Variants in MPPED2 observed in about 807,000 individuals in gnomAD.
The protein encoded by MPPED2 is metallophosphoesterase MPPED2.
Under a neutral mutation model 33.0 loss-of-function variants are expected in MPPED2, and 5 were observed. That is an observed-to-expected ratio of 0.15 (90% confidence interval 0.08 to 0.32). The LOEUF is 0.32. Ranked by LOEUF, MPPED2 falls within the 10% of genes least tolerant of loss-of-function variation. The pLI is 1.00. For synonymous variants in MPPED2, 136 were observed against 141.9 expected (o/e 0.96, Z 0.29); for missense variants, 275 against 372.1 (o/e 0.74, Z 2.15).
chr11:30,489,489 A>G (rs896911756), intron 4 of MPPED2, among the ~76,000 whole-genome samples: 1 of 152,270 alleles, frequency 6.6e-6, no homozygotes, highest in African/African-American at 2.4e-5. Flanking sequence ...TGAGGGGAAG[A>G]GAGGAAGGGA....
intron 2 of MPPED2, among the ~76,000 whole-genome samples, chr11:30,578,165 G>C (rs1346835492): frequency 6.6e-6 from 1 of 152,150 alleles, no homozygotes; most frequent in East Asian, 1.9e-4. Context: ...AACTAGCTTT[G>C]AGGCATTTGA....
At chr11:30,415,560 C>G (rs1210433761) in intron 5 of MPPED2, among the ~76,000 whole-genome samples, 1 of 152,128 alleles carries the variant, frequency 6.6e-6, no homozygotes, top group African/African-American at 2.4e-5. Context: ...CACGTTTTCA[C>G]AAGAATCCCA....
chr11:30,579,088 T>G (rs2134899561), intron 2 of MPPED2, among the ~76,000 whole-genome samples: 1 of 150,840 alleles, frequency 6.6e-6, no homozygotes, highest in African/African-American at 2.4e-5. Context: ...TGACTCGCTC[T>G]CCAGAATATA....
chr11:30,532,718 A>C (rs1274056040), intron 3 of MPPED2, among the ~76,000 whole-genome samples: 1 of 152,204 alleles, frequency 6.6e-6, no homozygotes, highest in Non-Finnish European at 1.5e-5. Context: ...TAATCATTAC[A>C]TGTTATACTC....
intron 3 of MPPED2, among the ~76,000 whole-genome samples, chr11:30,525,254 C>T (rs1279680056): frequency 6.6e-6 from 1 of 152,196 alleles, no homozygotes; most frequent in Non-Finnish European, 1.5e-5. Context: ...TCAGGAGACA[C>T]TTAGAATATA....
chr11:30,391,843 T>C (rs1464389506), intron 6 of MPPED2, among the ~76,000 whole-genome samples: 1 of 152,156 alleles, frequency 6.6e-6, no homozygotes, highest in African/African-American at 2.4e-5. Context: ...ACATTAGGCT[T>C]TAAATTAATG....
intron 2 of MPPED2, among the ~76,000 whole-genome samples, chr11:30,572,683 C>T (rs977847887): frequency 2.0e-5 from 3 of 152,080 alleles, no homozygotes; most frequent in African/African-American, 7.2e-5. Flanking sequence ...AAATTTCTAC[C>T]TTGTTAGTAA....
intron 4 of MPPED2, among the ~76,000 whole-genome samples, chr11:30,476,198 C>G (rs1951188645): frequency 6.6e-6 from 1 of 151,838 alleles, no homozygotes; most frequent in African/African-American, 2.4e-5. Flanking sequence ...AGACTATGTT[C>G]CCCAAGACTA....
At chr11:30,538,180 A>G (rs1954916834) in intron 2 of MPPED2, among the ~76,000 whole-genome samples, 1 of 152,160 alleles carries the variant, frequency 6.6e-6, no homozygotes, top group East Asian at 1.9e-4. Flanking sequence ...ATATATGAAT[A>G]AATGTAATAT....
At chr11:30,452,000 G>T (rs72885520) in intron 4 of MPPED2, 104,264 of 985,154 alleles carry the variant, frequency 0.11, 5,672 homozygotes, top group East Asian at 0.18. Context: ...GCCGTAAAAC[G>T]ATTCCCATTT....
intron 2 of MPPED2, among the ~76,000 whole-genome samples, chr11:30,574,234 T>C (rs890405620): frequency 1.3e-5 from 2 of 152,160 alleles, no homozygotes; most frequent in Non-Finnish European, 2.9e-5. Flanking sequence ...CCATTTTTAA[T>C]TTTTTATACT....
intron 1 of MPPED2, among the ~76,000 whole-genome samples, chr11:30,583,961 G>A (rs1358292690): frequency 1.3e-5 from 2 of 152,122 alleles, no homozygotes; most frequent in African/African-American, 2.4e-5. Context: ...CTTAATTCAC[G>A]CCCCTACTCT....
intron 5 of MPPED2, among the ~76,000 whole-genome samples, 189 bp from the exon 6 acceptor site, chr11:30,414,530 T>A (rs1216037141): frequency 2.7e-5 from 4 of 148,016 alleles, no homozygotes; most frequent in African/African-American, 9.7e-5. Flanking sequence ...GTTCTTGAAA[T>A]TTTTTTTTGG....
chr11:30,545,873 A>G (rs12287731), intron 2 of MPPED2, among the ~76,000 whole-genome samples: 1 of 151,616 alleles, frequency 6.6e-6, no homozygotes, highest in Non-Finnish European at 1.5e-5. Context: ...ACATATATAT[A>G]TTTTTTTTAG....
intron 6 of MPPED2, among the ~76,000 whole-genome samples, chr11:30,402,184 G>A (rs185382124): frequency 2.0e-3 from 302 of 152,250 alleles, no homozygotes; most frequent in African/African-American, 6.9e-3. Flanking sequence ...AAAACAGTGG[G>A]TGATGTCCTC....
At chr11:30,495,252 T>G in intron 4 of MPPED2, 44 bp downstream of exon 4, 6 of 1,356,376 alleles carry the variant, frequency 4.4e-6, no homozygotes, top group Non-Finnish European at 6.3e-6. Flanking sequence ...TTCTTGGTAC[T>G]GAGCTAAAAA....
rs114879717 is a variant in MPPED2, at chr11:30,575,341, T to C, written c.128+4905A>G. ...ACCATATATATTATCATAAAATCTATTTATCAAGTGGTATCTTTTGGGCAC... is the reference window on the plus strand; with the variant it reads ...ACCATATATATTATCATAAAATCTACTTATCAAGTGGTATCTTTTGGGCAC... On this transcript the variant is annotated intron_variant, in intron 2 of 6. Coordinates refer to ENST00000358117, the MANE Select transcript of MPPED2 (RefSeq NM_001584.3). 3.6e-3 allele frequency among the ~76,000 whole-genome samples: 555 copies of C among 152,336 alleles called. 4 individuals carry two copies. Among genetic ancestry groups the C allele is most frequent in the African/African-American group, 0.012 (517 of 41,576 alleles).
chr11:30,406,510 T>C (rs764340379), downstream of MPPED2, among the ~76,000 whole-genome samples: 4 of 151,786 alleles, frequency 2.6e-5, no homozygotes, highest in Non-Finnish European at 4.4e-5. Flanking sequence ...TTCTCTCCCA[T>C]GGAAAAGCAA....
chr11:30,547,164 A>T (rs12289767), intron 2 of MPPED2, among the ~76,000 whole-genome samples: 1 of 152,066 alleles, frequency 6.6e-6, no homozygotes. Flanking sequence ...ATCTAGGTCT[A>T]ACTGCAATTC....
Sources: allele counts gnomAD v4.1 joint callset (sites outside exome capture counted in the v4.1 genomes callset), GRCh38; gene constraint gnomAD v4.1.1; transcripts MANE v1.5; gene names NCBI Gene and HGNC (gene_info 2026-07-23, HGNC 2026-07-21).